The following EEA1 variants were observed in gnomAD, a reference collection of about 807,000 sequenced individuals.
The protein encoded by EEA1 is early endosome antigen 1, 162kD.
EEA1 carries 111 observed loss-of-function variants against 209.2 expected under a neutral mutation model. The observed-to-expected ratio is 0.53, with a 90% CI of 0.45 to 0.62. The LOEUF is 0.62. EEA1 is among the 20% of genes least tolerant of loss of function. The pLI is 0.00. For synonymous variants in EEA1, 536 were observed against 540.6 expected (o/e 0.99, Z 0.12); for missense variants, 1,343 against 1,530.8 (o/e 0.88, Z 2.05).
rs1232432756 is a variant in EEA1, at chr12:92,771,963, T to C, written c.*4048A>G. 1 of 152,006 alleles carries C rather than the reference T, an allele frequency of 6.6e-6. No individual in the cohort carries two copies. Among genetic ancestry groups the C allele is most frequent in the African/African-American group, 2.4e-5 (1 of 41,438 alleles). The allele number at this position is 152,006 out of a possible 1,614,324, so 9.4% of individuals were successfully genotyped here. A position where few individuals can be genotyped will look rare whatever the true frequency, so the allele number is the denominator to read the frequency against. ...AAAGCTCACAAAGTAACATGTCTAA[T>C]ATACAATATATTAGATGTTTGAGGA... On this transcript the variant is annotated 3_prime_UTR_variant, in exon 29 of 29. Transcript: ENST00000322349.
At chr12:92,813,146 T>C (rs1321071790) in intron 15 of EEA1, 53 bp from the exon 16 acceptor site, 9 of 1,223,228 alleles carry the variant, frequency 7.4e-6, no homozygotes, top group Non-Finnish European at 1.0e-5. Context: ...TGATTTCCTC[T>C]TGCTTGAACG....
chr12:92,816,704 C>T (rs1398313002), intron 14 of EEA1, among the ~76,000 whole-genome samples: 6 of 152,180 alleles, frequency 3.9e-5, no homozygotes, highest in African/African-American at 1.4e-4. Context: ...AACTAGCCAT[C>T]ACCACAATCA....
intron 1 of EEA1, among the ~76,000 whole-genome samples, chr12:92,899,646 T>C (rs1880069397): frequency 6.6e-6 from 1 of 152,238 alleles, no homozygotes; most frequent in African/African-American, 2.4e-5. Context: ...ATCATCTTCC[T>C]GGGCACTGAA....
intron 13 of EEA1, among the ~76,000 whole-genome samples, chr12:92,820,811 T>C (rs985983949): frequency 2.0e-5 from 3 of 152,000 alleles, no homozygotes; most frequent in Non-Finnish European, 4.4e-5. Flanking sequence ...AAAGTCACAC[T>C]GTTTTCAAAC....
At chr12:92,896,208 G>A (rs1015225314) in intron 1 of EEA1, among the ~76,000 whole-genome samples, 16 of 152,086 alleles carry the variant, frequency 1.1e-4, no homozygotes, top group African/African-American at 3.1e-4. Context: ...TCTTCACCTC[G>A]TGATCCACCC....
intron 21 of EEA1, among the ~76,000 whole-genome samples, chr12:92,789,779 C>T (rs1212580309): frequency 3.3e-5 from 5 of 152,216 alleles, no homozygotes; most frequent in Admixed American, 3.3e-4. Context: ...GTTCTCCCAG[C>T]ATGGCGTTTG....
At position 92,798,892 on chromosome 12, in the gene EEA1, C is replaced by T; in HGVS notation, c.2967G>A (p.Lys989=). The T allele has an allele frequency of 1.9e-6, 3 of 1,577,252 alleles. No individual in the cohort carries two copies. Among genetic ancestry groups the T allele is most frequent in the Non-Finnish European group, 2.6e-6 (3 of 1,167,636 alleles). Residue 989 remains lysine, a splice_region_variant and synonymous_variant, in exon 21 of 29, where the codon AAG becomes AAA. Transcript: ENST00000322349. ...QGELKIAVLQ[K]TELENKLQQQ... ...AAAAAGTAAACAAATATATCACTACCTTCTGTAAAACAGCAATTTTAAGCT... is the reference window on the plus strand; with the variant it reads ...AAAAAGTAAACAAATATATCACTACTTTCTGTAAAACAGCAATTTTAAGCT...
At chr12:92,870,115 G>A (rs1878574182) in intron 2 of EEA1, among the ~76,000 whole-genome samples, 1 of 152,020 alleles carries the variant, frequency 6.6e-6, no homozygotes, top group African/African-American at 2.4e-5. Flanking sequence ...GAAACCTCCT[G>A]GGGTAGAGAT....
chr12:92,798,846 T>C lies in EEA1; in HGVS notation c.2967+46A>G, dbSNP rs140913052. The stretch of plus-strand genomic sequence containing the variant: ...ATTAATCATCATACTATTTTCTTAA[T>C]TGCCAAGTTTTTCTTCCTATAAAAA... On this transcript the variant is annotated intron_variant, in intron 21 of 28. Transcript: ENST00000322349. 5.4e-4 allele frequency: 769 copies of C among 1,424,024 alleles called. 4 individuals carry two copies. The African/African-American group carries it at 8.1e-3, about 15-fold the overall frequency. 88.2% of individuals were successfully genotyped at this position (1,424,024 alleles called of 1,614,324 possible).
At position 92,775,858 on chromosome 12, in the gene EEA1, T is replaced by C; in HGVS notation, c.*153A>G. On this transcript the variant is annotated 3_prime_UTR_variant, in exon 29 of 29. Transcript: ENST00000322349. ...TCTCACAAAAATAGAAGAGTTTTAC[T>C]TGATATCCATAACATTCCAAAATAT... 2 of 650,836 alleles carry C rather than the reference T, an allele frequency of 3.1e-6. No homozygotes were observed. Among genetic ancestry groups the C allele is most frequent in the Non-Finnish European group, 4.5e-6 (2 of 444,732 alleles). 40.3% of individuals were successfully genotyped at this position (650,836 alleles called of 1,614,324 possible). A position where few individuals can be genotyped will look rare whatever the true frequency, so the allele number is the denominator to read the frequency against.
At chr12:92,901,615 G>A (rs1164181546) in intron 1 of EEA1, among the ~76,000 whole-genome samples, 3 of 150,088 alleles carry the variant, frequency 2.0e-5, no homozygotes, top group African/African-American at 4.9e-5. Flanking sequence ...TTGCCCAAGC[G>A]GGAGTGCAAT....
rs779706031 is a variant in EEA1, at chr12:92,776,889, T to A, written c.4068A>T (p.Gln1356His). Residue 1356 changes from glutamine (Q) to histidine (H), a missense_variant, in exon 28 of 29, where the codon CAA (glutamine) becomes CAT (histidine). Physicochemically the swap from Gln to His is conservative, Grantham distance 24. Around this residue, in one of 3 missense-constraint regions of EEA1, gnomAD observed 1,307 missense variants for 1,465.5 expected, o/e 0.89. Coordinates refer to ENST00000322349, the MANE Select transcript of EEA1 (RefSeq NM_003566.4). ...NRKWAEDNEV[Q>H]NCMACGKGFS... Reference sequence around the variant, plus strand: ...AGCCTTTCCCACAGGCCATACAGTTTTGTACTTCATTGTCTTCGGCCCACT... The same window carrying A: ...AGCCTTTCCCACAGGCCATACAGTTATGTACTTCATTGTCTTCGGCCCACT... The A allele has an allele frequency of 6.2e-7, 1 of 1,612,030 alleles. No individual in the cohort carries two copies. Among genetic ancestry groups the A allele is most frequent in the East Asian group, 2.2e-5 (1 of 44,768 alleles).
At chr12:92,815,951 G>C (rs11833034) in intron 15 of EEA1, among the ~76,000 whole-genome samples, 3,674 of 151,530 alleles carry the variant, frequency 0.024, 166 homozygotes, top group African/African-American at 0.083. Flanking sequence ...GAGACAGAGA[G>C]AGAGAGGGAG....
intron 1 of EEA1, among the ~76,000 whole-genome samples, chr12:92,923,126 T>C (rs976056140): frequency 6.6e-6 from 1 of 151,984 alleles, no homozygotes; most frequent in African/African-American, 2.4e-5. Context: ...GGCAGGCAGA[T>C]CACGAGGTCA....
rs541026655 is a variant in EEA1, at chr12:92,831,857, G to A, written c.1254+655C>T. ...TCCCAGCACTTTGGGAGGCCGAGGC[G>A]GGTGGATCATGAGGTCAGGAGATCG... On this transcript the variant is annotated intron_variant, in intron 11 of 28. Coordinates refer to ENST00000322349, the MANE Select transcript of EEA1 (RefSeq NM_003566.4). Among the ~76,000 whole-genome samples, 35 of 150,134 alleles carry A rather than the reference G, an allele frequency of 2.3e-4. No homozygotes were observed. In the East Asian group the frequency reaches 5.4e-3, roughly 23 times the overall value.
chr12:92,803,076 T>C lies in EEA1; in HGVS notation c.2340-342A>G, dbSNP rs1033293301. On this transcript the variant is annotated intron_variant, in intron 18 of 28. Transcript: ENST00000322349. Reference sequence around the variant, plus strand: ...CTCTACTCTATAACAGCCAGAAACGTTTTTCCATAAAGAATCTATTCATTA... The same window carrying C: ...CTCTACTCTATAACAGCCAGAAACGCTTTTCCATAAAGAATCTATTCATTA... Among the ~76,000 whole-genome samples, 8 of 152,058 alleles carry C rather than the reference T, an allele frequency of 5.3e-5. No homozygotes were observed. The East Asian group carries it at 1.4e-3, about 26-fold the overall frequency.
intron 3 of EEA1, among the ~76,000 whole-genome samples, chr12:92,862,057 A>C (rs754803720): frequency 3.3e-5 from 5 of 152,196 alleles, no homozygotes; most frequent in Admixed American, 1.3e-4. Context: ...TTAAAGCAAA[A>C]AGGTTTCATG....
At chr12:92,861,021 T>A (rs1185744583) in intron 3 of EEA1, among the ~76,000 whole-genome samples, 1 of 152,168 alleles carries the variant, frequency 6.6e-6, no homozygotes, top group African/African-American at 2.4e-5. Context: ...TTCCTTTGGG[T>A]ATGACATGCT....
At chr12:92,810,647 T>A (rs893775314) in intron 17 of EEA1, among the ~76,000 whole-genome samples, 6 of 151,674 alleles carry the variant, frequency 4.0e-5, no homozygotes, top group Non-Finnish European at 8.9e-5. Context: ...GTAGCTCAAT[T>A]TTTAAAAATT....
Sources: allele counts gnomAD v4.1 joint callset (sites outside exome capture counted in the v4.1 genomes callset), GRCh38; gene constraint gnomAD v4.1.1; regional missense constraint gnomAD v4.1.1; transcripts MANE v1.5; gene names NCBI Gene and HGNC (gene_info 2026-07-23, HGNC 2026-07-21).